Variants in SKIL observed in about 807,000 individuals in gnomAD.
SKIL encodes the protein SKI like proto-oncogene, also known as ski-like protein.
Under a neutral mutation model 69.6 loss-of-function variants are expected in SKIL, and 20 were observed. The observed-to-expected ratio is 0.29, with a 90% CI of 0.20 to 0.42. The LOEUF is 0.42. Among genes scored for constraint, SKIL ranks in the 10% least tolerant of loss-of-function variants. SKIL has a pLI of 1.00. For missense variants in SKIL, 745 were observed against 783.1 expected (o/e 0.95, Z 0.58); for synonymous variants, 310 against 279.9 (o/e 1.11, Z -1.08).
chr3:170,374,796 C>G (rs1013956413), intron 2 of SKIL, among the ~76,000 whole-genome samples: 2 of 152,142 alleles, frequency 1.3e-5, no homozygotes, highest in African/African-American at 2.4e-5. Context: ...AACATTTTAT[C>G]ATGGTTAGTG....
At position 170,387,759 on chromosome 3, in the gene SKIL, T is replaced by TAAAA. The variant is rs748924498; in HGVS notation, c.1430-2452_1430-2449dup. 8.7e-5 allele frequency among the ~76,000 whole-genome samples: 5 copies of TAAAA among 57,694 alleles called. 1 individual carries two copies. The highest frequency in any genetic ancestry group is 1.4e-4 in the African/African-American group (3 of 21,678). 37.8% of individuals were successfully genotyped at this position (57,694 alleles called of 152,430 possible). A position where few individuals can be genotyped will look rare whatever the true frequency, so the allele number is the denominator to read the frequency against. ...TAAAACGGTGAAACCCCGTCTCTAC[T>TAAAA]AAAAAAAAAAAAAAATACAAAAAAA... On this transcript the variant is annotated intron_variant, in intron 4 of 6. Transcript: ENST00000259119.
chr3:170,385,744 T>C (rs1737588425), intron 4 of SKIL, among the ~76,000 whole-genome samples: 1 of 152,162 alleles, frequency 6.6e-6, no homozygotes, highest in South Asian at 2.1e-4. Flanking sequence ...CCTCTATTTA[T>C]TTAAGTTTTT....
At position 170,361,012 on chromosome 3, in the gene SKIL, A is replaced by G. The variant is rs148445284; in HGVS notation, c.681A>G (p.Gln227=). ...SCGLITLTDA[Q]RLCNALLRPR... is the part of the protein sequence containing the mutation. ...GGCTGATTACATTAACTGATGCACAAAGATTATGTAATGCTTTATTGCGGC... is the reference window on the plus strand; with the variant it reads ...GGCTGATTACATTAACTGATGCACAGAGATTATGTAATGCTTTATTGCGGC... Residue 227 remains glutamine, a synonymous_variant, in exon 2 of 7, where the codon CAA becomes CAG. Coordinates refer to ENST00000259119, the MANE Select transcript of SKIL (RefSeq NM_005414.5). The G allele has an allele frequency of 5.0e-6, 8 of 1,614,088 alleles. No individual in the cohort carries two copies. Among genetic ancestry groups the G allele is most frequent in the African/African-American group, 1.3e-5 (1 of 74,940 alleles).
intron 2 of SKIL, among the ~76,000 whole-genome samples, chr3:170,375,020 A>T (rs7621721): frequency 0.017 from 2,643 of 152,286 alleles, 54 homozygotes; most frequent in East Asian, 0.094. Context: ...CAAATAATAG[A>T]TATTTGATAG....
rs1397821268 is a variant in SKIL, at chr3:170,392,310, C to G, written c.1948C>G (p.Leu650Val). 2.5e-6 allele frequency: 4 copies of G among 1,613,368 alleles called. No individual in the cohort carries two copies. The highest frequency in any genetic ancestry group is 3.4e-6 in the Non-Finnish European group (4 of 1,179,558). ...CCATGCTGAGGCCGATAGGCAAGAA[C>G]TCCAAGATGAACTCAGACAGGAACG... is the stretch of plus-strand genomic sequence containing the variant. ...LDHAEADRQELQDELRQEREA... is the reference protein window; with the variant it reads ...LDHAEADRQEVQDELRQEREA... Residue 650 changes from leucine (L) to valine (V), a missense_variant, in exon 7 of 7, where the codon CTC becomes GTC. Transcript: ENST00000259119.
intron 1 of SKIL, chr3:170,358,765 C>G (rs189427110): frequency 6.6e-6 from 1 of 152,296 alleles, no homozygotes; most frequent in East Asian, 1.9e-4. Flanking sequence ...CATTTGCATT[C>G]TTTGTGAGGT....
At chr3:170,367,926 C>T (rs985949692) in intron 2 of SKIL, among the ~76,000 whole-genome samples, 7 of 152,118 alleles carry the variant, frequency 4.6e-5, no homozygotes, top group East Asian at 1.9e-4. Context: ...TCCCTGAAAG[C>T]GTATTAGCCG....
rs1257628499 is a variant in SKIL, at chr3:170,392,108, AG to A, written c.1897-150del. ...TAAATTTAGTGTCCTGTCAGATGTC[AG>A]ATTAATAGTATTAGATGCTTAATGG... On this transcript the variant is annotated intron_variant, in intron 6 of 6. Transcript: ENST00000259119. 17 of 575,752 alleles carry A rather than the reference AG, an allele frequency of 3.0e-5. No homozygotes were observed. The East Asian group carries it at 4.9e-4, about 16-fold the overall frequency. 35.7% of individuals were successfully genotyped at this position (575,752 alleles called of 1,614,324 possible).
intron 2 of SKIL, among the ~76,000 whole-genome samples, chr3:170,377,898 CTT>C (rs1737112741): frequency 1.4e-5 from 2 of 143,474 alleles, no homozygotes; most frequent in South Asian, 2.2e-4. Context: ...ATATTTTTTT[CTT>C]TTTTTATTTT....
chr3:170,388,457 CT>C (rs199989339), intron 4 of SKIL, among the ~76,000 whole-genome samples: 1 of 149,082 alleles, frequency 6.7e-6, no homozygotes, highest in African/African-American at 2.5e-5. Flanking sequence ...TGTTAGTGTT[CT>C]TTTTTTTTTC....
rs1483221915 is a variant in SKIL, at chr3:170,360,165, AC to A, written c.-165del. 1 of 610,758 alleles carries A rather than the reference AC, an allele frequency of 1.6e-6. No homozygotes were observed. Among genetic ancestry groups the A allele is most frequent in the African/African-American group, 1.9e-5 (1 of 53,880 alleles). The allele number at this position is 610,758 out of a possible 1,614,324, so 37.8% of individuals were successfully genotyped here. A position where few individuals can be genotyped will look rare whatever the true frequency, so the allele number is the denominator to read the frequency against. On this transcript the variant is annotated 5_prime_UTR_variant, in exon 2 of 7. Coordinates refer to ENST00000259119, the MANE Select transcript of SKIL (RefSeq NM_005414.5). ...GAAATTATACCAGATTATAAGGAGA[AC>A]CAAAACTAAGTCGCAAAATTTATTA...
chr3:170,361,614 G>A (rs1736238028), intron 2 of SKIL, among the ~76,000 whole-genome samples, 185 bp downstream of exon 2: 1 of 152,152 alleles, frequency 6.6e-6, no homozygotes, highest in Non-Finnish European at 1.5e-5. Flanking sequence ...TTCCTCATTT[G>A]ACTTTCCAAA....
chr3:170,364,870 T>C (rs1736425390), intron 2 of SKIL, among the ~76,000 whole-genome samples: 3 of 152,216 alleles, frequency 2.0e-5, no homozygotes, highest in Admixed American at 2.0e-4. Flanking sequence ...TTTTCGATTT[T>C]AGGAAGGTGT....
intron 2 of SKIL, among the ~76,000 whole-genome samples, chr3:170,374,923 G>A (rs1393439371): frequency 6.6e-6 from 1 of 152,190 alleles, no homozygotes; most frequent in Non-Finnish European, 1.5e-5. Flanking sequence ...ACGTGAAAGA[G>A]ACCAAGAGTT....
At chr3:170,371,516 AAAAG>A (rs1736805653) in intron 2 of SKIL, among the ~76,000 whole-genome samples, 2 of 152,204 alleles carry the variant, frequency 1.3e-5, no homozygotes, top group African/African-American at 2.4e-5. Flanking sequence ...CAAAAAAAGA[AAAAG>A]AAAAACAAAA....
chr3:170,373,869 A>ACC (rs1187562072), intron 2 of SKIL, among the ~76,000 whole-genome samples: 2 of 152,016 alleles, frequency 1.3e-5, no homozygotes, highest in Non-Finnish European at 2.9e-5. Context: ...CCAGAGCAAG[A>ACC]CCCTGTCTCA....
chr3:170,374,613 A>G (rs1736946652), intron 2 of SKIL, among the ~76,000 whole-genome samples: 1 of 152,190 alleles, frequency 6.6e-6, no homozygotes. Flanking sequence ...TTGAAAACCT[A>G]ATTTGTATGT....
chr3:170,358,577 C>G (rs1170162302), intron 1 of SKIL: 2 of 152,682 alleles, frequency 1.3e-5, no homozygotes, highest in East Asian at 3.8e-4. Context: ...AAGGTGTGTT[C>G]CTGTGGTGGA....
intron 2 of SKIL, among the ~76,000 whole-genome samples, chr3:170,375,667 C>T (rs1288146629): frequency 1.3e-5 from 2 of 152,170 alleles, no homozygotes; most frequent in African/African-American, 2.4e-5. Context: ...TCAAACCTGC[C>T]AGCTTCAACT....
Sources: gnomAD v4.1 joint callset for allele counts (sites outside exome capture counted in the v4.1 genomes callset) on GRCh38, gnomAD v4.1.1 for gene constraint, MANE v1.5 for transcripts, NCBI Gene and HGNC (gene_info 2026-07-23, HGNC 2026-07-21) for gene names.